Variants in ZNF385C observed in about 807,000 individuals in gnomAD.
The protein encoded by ZNF385C is zinc finger protein 385C.
ZNF385C carries 28 observed loss-of-function variants against 35.4 expected under a neutral mutation model. The ratio of observed to expected loss-of-function variants is 0.79; its 90% confidence interval spans 0.59 to 1.08. The LOEUF is 1.08. Among genes scored for constraint, ZNF385C ranks in the 50% least tolerant of loss-of-function variants. The pLI, the probability that ZNF385C is intolerant of heterozygous loss-of-function variation, is 0.00. For missense variants in ZNF385C, 605 were observed against 595.6 expected (o/e 1.02, Z -0.16); for synonymous variants, 248 against 248.2 (o/e 1.00, Z 0.01).
At chr17:42,037,543 T>G (rs1555655595) in intron 3 of ZNF385C, among the ~76,000 whole-genome samples, 194 bp downstream of exon 3, 2 of 152,072 alleles carry the variant, frequency 1.3e-5, no homozygotes, top group African/African-American at 4.8e-5. Context: ...TTCCCCAGCC[T>G]AAGAGAGAGC....
chr17:42,089,315 CTAAATAAA>C lies in ZNF385C; in HGVS notation c.-3+9087_-3+9094del, dbSNP rs140225933. 8.9e-3 allele frequency among the ~76,000 whole-genome samples: 1,345 copies of C among 151,634 alleles called. 19 individuals are homozygous for C. Among genetic ancestry groups the C allele is most frequent in the African/African-American group, 0.031 (1,267 of 41,370 alleles). ...TAGGGGACAGAATAAGACCCTGTCT[CTAAATAAA>C]TAAATAAATAAATAAATAAAAATAA... On this transcript the variant is annotated intron_variant, in intron 1 of 8. Coordinates refer to ENST00000692273, the MANE Select transcript of ZNF385C (RefSeq NM_001392013.1).
intron 1 of ZNF385C, among the ~76,000 whole-genome samples, chr17:42,074,834 G>A (rs186776478): frequency 1.7e-3 from 253 of 152,300 alleles, no homozygotes; most frequent in African/African-American, 5.9e-3. Context: ...GGCTGTCCAC[G>A]GAGAATTGCA....
At chr17:42,066,340 G>T (rs2053546269) in intron 1 of ZNF385C, among the ~76,000 whole-genome samples, 1 of 152,208 alleles carries the variant, frequency 6.6e-6, no homozygotes, top group African/African-American at 2.4e-5. Context: ...TTACAAGCGT[G>T]AGCCACTGGT....
intron 1 of ZNF385C, among the ~76,000 whole-genome samples, chr17:42,076,304 C>T (rs2053684191): frequency 6.6e-6 from 1 of 152,210 alleles, no homozygotes; most frequent in South Asian, 2.1e-4. Flanking sequence ...TTTGCTACTA[C>T]TCTCCAGATT....
At chr17:42,089,036 T>A (rs1425112941) in intron 1 of ZNF385C, among the ~76,000 whole-genome samples, 4 of 152,092 alleles carry the variant, frequency 2.6e-5, no homozygotes, top group Non-Finnish European at 5.9e-5. Context: ...AACAGCCACC[T>A]CACTGGTCTC....
rs150082935 is a variant in ZNF385C at position 42,078,768 on chromosome 17, G to A, written c.-2-15710C>T. 2.2e-3 allele frequency among the ~76,000 whole-genome samples: 340 copies of A among 152,226 alleles called. 2 individuals carry two copies. Among genetic ancestry groups the A allele is most frequent in the African/African-American group, 7.6e-3 (315 of 41,544 alleles). Reference sequence around the variant, plus strand: ...TGGACAGGATGATCTCCCTGGGGGTGGCCTCAGGGTTGTGGTAAGATGGAA... The same window carrying A: ...TGGACAGGATGATCTCCCTGGGGGTAGCCTCAGGGTTGTGGTAAGATGGAA... On this transcript the variant is annotated intron_variant, in intron 1 of 8. Coordinates refer to ENST00000692273, the MANE Select transcript of ZNF385C (RefSeq NM_001392013.1).
rs1013816068 is a variant in ZNF385C, at chr17:42,047,854, C to T, written c.251-9969G>A. Among the ~76,000 whole-genome samples, 8 of 151,884 alleles carry T rather than the reference C, an allele frequency of 5.3e-5. No homozygotes were observed. In the South Asian group the frequency reaches 8.3e-4, roughly 16 times the overall value. ...ATTTTTAGTAGAGACAGGGTTTCAC[C>T]GTGTTGGTCAGGCTGGTCTCGAACT... On this transcript the variant is annotated intron_variant, in intron 2 of 8. Transcript: ENST00000692273.
At chr17:42,043,266 G>C in intron 2 of ZNF385C, 1 of 1,232,258 alleles carries the variant, frequency 8.1e-7, no homozygotes, top group Non-Finnish European at 1.0e-6. Context: ...TCCGCTCATA[G>C]TCAAAGTCCA....
At chr17:42,029,095 G>A (rs1555654731) in intron 5 of ZNF385C, 22 bp from the exon 6 acceptor site, 8 of 1,541,808 alleles carry the variant, frequency 5.2e-6, no homozygotes, top group Middle Eastern at 1.7e-4. Flanking sequence ...ATGGAAGAGT[G>A]TGAGACCCAA....
At chr17:42,089,799 AAC>A (rs782182622) in intron 1 of ZNF385C, among the ~76,000 whole-genome samples, 1 of 152,212 alleles carries the variant, frequency 6.6e-6, no homozygotes, top group Non-Finnish European at 1.5e-5. Flanking sequence ...TGCCGATGAA[AAC>A]AGTTTCAGTA....
chr17:42,088,338 C>T (rs539934899), intron 1 of ZNF385C, among the ~76,000 whole-genome samples: 34 of 152,366 alleles, frequency 2.2e-4, no homozygotes, highest in African/African-American at 8.2e-4. Flanking sequence ...ACCCCCAGGT[C>T]ACCTCCCTCC....
At chr17:42,034,389 G>C (rs2052795395) in intron 3 of ZNF385C, 54 bp from the exon 4 acceptor site, 8 of 1,354,004 alleles carry the variant, frequency 5.9e-6, no homozygotes, top group Non-Finnish European at 8.2e-6. Flanking sequence ...GGGAAGCAGG[G>C]GTCGGGGGCA....
At chr17:42,063,111 G>T in intron 1 of ZNF385C, 53 bp from the exon 2 acceptor site, 1 of 572,570 alleles carries the variant, frequency 1.7e-6, no homozygotes, top group South Asian at 2.1e-5. Context: ...CGAATTCTTA[G>T]AGAGAGCAGG....
chr17:42,066,929 C>T (rs1184452765), intron 1 of ZNF385C, among the ~76,000 whole-genome samples: 4 of 152,046 alleles, frequency 2.6e-5, no homozygotes, highest in Admixed American at 1.3e-4. Flanking sequence ...ATTAGCCAGG[C>T]GCGGTGGTGG....
intron 2 of ZNF385C, chr17:42,041,123 G>A: frequency 4.1e-6 from 5 of 1,232,292 alleles, no homozygotes; most frequent in Non-Finnish European, 4.0e-6. Flanking sequence ...TCCAACACCA[G>A]CCCCACATAT....
intron 1 of ZNF385C, among the ~76,000 whole-genome samples, chr17:42,090,281 T>A (rs1357338725): frequency 3.1e-5 from 3 of 96,174 alleles, no homozygotes; most frequent in African/African-American, 1.8e-4. Flanking sequence ...TATTCCCTTT[T>A]TTTTTTTTTT....
chr17:42,053,580 C>T (rs1239567211), intron 2 of ZNF385C, among the ~76,000 whole-genome samples: 3 of 152,194 alleles, frequency 2.0e-5, no homozygotes, highest in Admixed American at 6.5e-5. Context: ...GTCCAGCACC[C>T]CTGTTTCCCG....
chr17:42,065,667 A>C (rs571137629), intron 1 of ZNF385C, among the ~76,000 whole-genome samples: 1 of 152,312 alleles, frequency 6.6e-6, no homozygotes, highest in Admixed American at 6.5e-5. Context: ...CACAGCGATA[A>C]GGGCAGGAGC....
At chr17:42,051,299 G>C (rs2053278277) in intron 2 of ZNF385C, among the ~76,000 whole-genome samples, 2 of 152,000 alleles carry the variant, frequency 1.3e-5, no homozygotes, top group Admixed American at 1.3e-4. Flanking sequence ...GACAGAGTGG[G>C]GAAGAGGGAG....
Sources: allele counts gnomAD v4.1 joint callset (sites outside exome capture counted in the v4.1 genomes callset), GRCh38; gene constraint gnomAD v4.1.1; transcripts MANE v1.5; gene names NCBI Gene and HGNC (gene_info 2026-07-23, HGNC 2026-07-21).